Variants in ASIC2 observed in about 807,000 individuals in gnomAD.
The protein encoded by ASIC2 is acid-sensing ion channel 2.
In ASIC2, 25 loss-of-function variants were observed where a neutral mutation model predicts 57.3. The ratio of observed to expected loss-of-function variants is 0.44; its 90% CI spans 0.32 to 0.61. The LOEUF (loss-of-function observed/expected upper bound fraction) is 0.61. Ranked by LOEUF, ASIC2 falls within the 20% of genes least tolerant of loss-of-function variation. ASIC2 has a pLI of 0.06. For missense variants in ASIC2, 641 were observed against 738.1 expected, an observed-to-expected ratio of 0.87 and a Z score of 1.52; for synonymous variants, 319 against 307.5, an observed-to-expected ratio of 1.04 and a Z score of -0.39.
intron 3 of ASIC2, among the ~76,000 whole-genome samples, chr17:33,045,822 G>T (rs1470651152): frequency 6.6e-6 from 1 of 151,954 alleles, no homozygotes; most frequent in African/African-American, 2.4e-5. Flanking sequence ...TCTTTTTATG[G>T]TTGCATTTCC....
chr17:33,360,169 C>T (rs1908543848), intron 1 of ASIC2, among the ~76,000 whole-genome samples: 1 of 152,090 alleles, frequency 6.6e-6, no homozygotes, highest in South Asian at 2.1e-4. Context: ...GAAAATATAG[C>T]CAGCACTTCA....
intron 1 of ASIC2, among the ~76,000 whole-genome samples, chr17:33,221,388 G>C (rs1433657431): frequency 6.6e-6 from 1 of 152,176 alleles, no homozygotes; most frequent in Non-Finnish European, 1.5e-5. Context: ...AAACAAAAGA[G>C]GTAGAATCTT....
intron 1 of ASIC2, among the ~76,000 whole-genome samples, chr17:33,517,624 G>A (rs1318266284): frequency 3.5e-5 from 5 of 144,174 alleles, no homozygotes; most frequent in Non-Finnish European, 7.5e-5. Context: ...AAGTGAGAGA[G>A]CACTCAAGCC....
intron 1 of ASIC2, among the ~76,000 whole-genome samples, chr17:34,135,506 G>A (rs1199668975): frequency 6.6e-6 from 1 of 152,290 alleles, no homozygotes; most frequent in East Asian, 1.9e-4. Flanking sequence ...CCTGATGCCT[G>A]GACATCAACC....
intron 1 of ASIC2, among the ~76,000 whole-genome samples, chr17:34,030,552 C>G (rs113190710): frequency 6.6e-6 from 1 of 152,184 alleles, no homozygotes; most frequent in East Asian, 1.9e-4. Flanking sequence ...TGAAGTAGGG[C>G]GAGGCATCGC....
chr17:33,932,741 AATATAT>A (rs1330850946), intron 1 of ASIC2: 4 of 58,708 alleles, frequency 6.8e-5, no homozygotes, highest in East Asian at 8.3e-4. Flanking sequence ...AAAAAAAAAA[AATATAT>A]ATATATATAT....
intron 1 of ASIC2, among the ~76,000 whole-genome samples, chr17:33,617,464 CAAAG>C (rs1905642966): frequency 6.6e-6 from 1 of 152,022 alleles, no homozygotes; most frequent in Non-Finnish European, 1.5e-5. Flanking sequence ...CACATGGACA[CAAAG>C]AAAGGAACAA....
Position 33,143,157 on chromosome 17 carries a change from G to C in ASIC2, c.709-31090C>G, listed in dbSNP as rs1268388097. Among the ~76,000 whole-genome samples, 4 of 152,148 alleles carry C rather than the reference G, an allele frequency of 2.6e-5. No homozygotes were observed. In the South Asian group the frequency reaches 6.2e-4, roughly 24 times the overall value. The stretch of plus-strand genomic sequence containing the variant: ...ATAATTGAGATAGCAGTGTAGGTAG[G>C]TTGCTTAGACCGCTGAGTCTTTCTT... On this transcript the variant is annotated intron_variant, in intron 1 of 9. Coordinates refer to ENST00000225823, the MANE Select transcript of ASIC2 (RefSeq NM_183377.2).
intron 1 of ASIC2, among the ~76,000 whole-genome samples, chr17:34,108,695 G>GT (rs2142108137): frequency 6.6e-6 from 1 of 152,188 alleles, no homozygotes; most frequent in African/African-American, 2.4e-5. Context: ...GATTCTTTGT[G>GT]TAACTGTTTT....
intron 1 of ASIC2, among the ~76,000 whole-genome samples, chr17:34,060,037 C>T: frequency 6.6e-6 from 1 of 152,224 alleles, no homozygotes; most frequent in East Asian, 1.9e-4. Context: ...GGGGGCCAAC[C>T]AGCACAAAAA....
At chr17:33,629,196 TCAC>T (rs879273180) in intron 1 of ASIC2, among the ~76,000 whole-genome samples, 1 of 152,224 alleles carries the variant, frequency 6.6e-6, no homozygotes, top group Non-Finnish European at 1.5e-5. Context: ...CAGAGAATGC[TCAC>T]CAGCCCTCCC....
intron 1 of ASIC2, among the ~76,000 whole-genome samples, chr17:33,593,225 G>A (rs1439578136): frequency 6.6e-6 from 1 of 152,204 alleles, no homozygotes; most frequent in Non-Finnish European, 1.5e-5. Flanking sequence ...AGGCACAGCT[G>A]TGATGTCCAT....
At chr17:33,040,716 G>A (rs973086233) in intron 3 of ASIC2, among the ~76,000 whole-genome samples, 3 of 152,182 alleles carry the variant, frequency 2.0e-5, no homozygotes, top group African/African-American at 4.8e-5. Context: ...CCTTGGGAAC[G>A]GAGGCAAAAA....
chr17:34,027,363 C>G (rs1295209660), intron 1 of ASIC2, among the ~76,000 whole-genome samples: 1 of 152,152 alleles, frequency 6.6e-6, no homozygotes, highest in Non-Finnish European at 1.5e-5. Context: ...TTCTAAATAT[C>G]CTTCCTGGTT....
chr17:33,850,636 T>C (rs1391574860), intron 1 of ASIC2, among the ~76,000 whole-genome samples: 2 of 152,228 alleles, frequency 1.3e-5, no homozygotes, highest in East Asian at 3.8e-4. Context: ...CTCTGGGCTA[T>C]GATCTGAGAG....
chr17:34,012,852 C>CT (rs1232104416), intron 1 of ASIC2, among the ~76,000 whole-genome samples: 1 of 152,110 alleles, frequency 6.6e-6, no homozygotes, highest in Non-Finnish European at 1.5e-5. Flanking sequence ...CAGAGCCCTG[C>CT]TTTTTTCCTG....
At chr17:33,362,255 A>C (rs1243311230) in intron 1 of ASIC2, among the ~76,000 whole-genome samples, 1 of 152,150 alleles carries the variant, frequency 6.6e-6, no homozygotes, top group Admixed American at 6.6e-5. Flanking sequence ...CATTTGACCA[A>C]GGTTTTTGCT....
intron 1 of ASIC2, among the ~76,000 whole-genome samples, chr17:34,149,700 C>T (rs1904438269): frequency 6.6e-6 from 1 of 152,198 alleles, no homozygotes; most frequent in South Asian, 2.1e-4. Flanking sequence ...TTACCTCACA[C>T]TTGTTAGAAT....
intron 1 of ASIC2, among the ~76,000 whole-genome samples, chr17:33,575,858 T>C (rs1916603394): frequency 6.6e-6 from 1 of 152,100 alleles, no homozygotes; most frequent in African/African-American, 2.4e-5. Context: ...TAAACATGCA[T>C]GCCAAGAGAG....
Sources: allele counts gnomAD v4.1 joint callset (sites outside exome capture counted in the v4.1 genomes callset), GRCh38; gene constraint gnomAD v4.1.1; transcripts MANE v1.5; gene names NCBI Gene and HGNC (gene_info 2026-07-23, HGNC 2026-07-21).